PRDM16: variants seen among roughly 807,000 people sequenced by gnomAD.
The protein encoded by PRDM16 is PR/SET domain 16.
PRDM16 carries 23 observed loss-of-function variants against 110.6 expected under a neutral mutation model. The observed-to-expected ratio is 0.21, with a 90% CI of 0.15 to 0.29. PRDM16 has a LOEUF of 0.29. Among genes scored for constraint, PRDM16 ranks in the 10% least tolerant of loss-of-function variants. The pLI is 1.00. For synonymous variants in PRDM16, 799 were observed against 781.8 expected (o/e 1.02, Z -0.37); for missense variants, 1,615 against 1,794.3 (o/e 0.90, Z 1.81).
chr1:3,158,916 C>T (rs1462265762), intron 1 of PRDM16, among the ~76,000 whole-genome samples: 3 of 152,012 alleles, frequency 2.0e-5, no homozygotes, highest in African/African-American at 7.2e-5. Flanking sequence ...CTGGAAGGCG[C>T]CTGCCACCAC....
At chr1:3,220,471 G>T (rs1407643063) in intron 2 of PRDM16, among the ~76,000 whole-genome samples, 3 of 152,250 alleles carry the variant, frequency 2.0e-5, no homozygotes, top group Non-Finnish European at 4.4e-5. Context: ...GCAACATTGG[G>T]TCGGCAGGGC....
intron 3 of PRDM16, among the ~76,000 whole-genome samples, chr1:3,287,267 GCGCCCCGCCACGCGGGCA>G (rs1640868287): frequency 1.1e-5 from 1 of 92,700 alleles, no homozygotes; most frequent in Non-Finnish European, 2.2e-5. Flanking sequence ...GGGGCTGGAG[GCGCCCCGCCACGCGGGCA>G]TCCAGGATTG....
intron 2 of PRDM16, among the ~76,000 whole-genome samples, chr1:3,200,202 C>T (rs1638584127): frequency 7.1e-6 from 1 of 141,048 alleles, no homozygotes; most frequent in Admixed American, 7.0e-5. Context: ...AGTCAAGGGC[C>T]TGGGGAGAGG....
At chr1:3,169,690 C>A (rs1379642853) in intron 1 of PRDM16, among the ~76,000 whole-genome samples, 1 of 152,264 alleles carries the variant, frequency 6.6e-6, no homozygotes, top group Admixed American at 6.5e-5. Flanking sequence ...CCCCAACACC[C>A]GCAAGGGCCT....
At chr1:3,198,631 C>T (rs1437993390) in intron 2 of PRDM16, among the ~76,000 whole-genome samples, 3 of 152,198 alleles carry the variant, frequency 2.0e-5, no homozygotes, top group Non-Finnish European at 4.4e-5. Context: ...AAGAACGGCA[C>T]CAGCCTCCAG....
At chr1:3,413,602 C>T (rs1391977156) in intron 9 of PRDM16, among the ~76,000 whole-genome samples, 1 of 152,144 alleles carries the variant, frequency 6.6e-6, no homozygotes, top group Non-Finnish European at 1.5e-5. Context: ...GGCAGGAGAC[C>T]CTGAGCAAGT....
At chr1:3,101,133 C>G (rs990703911) in intron 1 of PRDM16, among the ~76,000 whole-genome samples, 2 of 152,118 alleles carry the variant, frequency 1.3e-5, no homozygotes, top group Non-Finnish European at 2.9e-5. Context: ...CTCGCTGTGC[C>G]CCTTCGGTCT....
rs1641990490 is a variant in PRDM16, at chr1:3,080,170, A to G, written c.37+10874A>G. 6.6e-6 allele frequency among the ~76,000 whole-genome samples: 1 copy of G among 152,228 alleles called. No individual in the cohort carries two copies. The highest frequency in any genetic ancestry group is 2.4e-5 in the African/African-American group (1 of 41,460). ...GGCCCTGGTGCTTGCATTTAGAAAA[A>G]TTAGGCCCTCTTGAAAAATTACAGA... On this transcript the variant is annotated intron_variant, in intron 1 of 16. Transcript: ENST00000270722. This position sits in a 1 kb window ranked among gnomAD's most constrained non-coding sequence, Gnocchi z 5.2.
chr1:3,418,590 T>G (rs2100677500), intron 11 of PRDM16, 77 bp from the exon 12 acceptor site: 1 of 1,018,646 alleles, frequency 9.8e-7, no homozygotes, highest in South Asian at 1.3e-5. Flanking sequence ...GAGCATTAGC[T>G]TGAAACCATT....
intron 4 of PRDM16, among the ~76,000 whole-genome samples, chr1:3,391,116 G>A (rs112133421): frequency 1.3e-5 from 2 of 152,160 alleles, no homozygotes; most frequent in South Asian, 2.1e-4. Context: ...GATGACAGGC[G>A]TGAGCCACCG....
chr1:3,144,438 A>G (rs1347754546), intron 1 of PRDM16, among the ~76,000 whole-genome samples: 1 of 151,168 alleles, frequency 6.6e-6, no homozygotes, highest in African/African-American at 2.4e-5. Flanking sequence ...GGTCAGGGTC[A>G]TTCCCACTCG....
chr1:3,337,023 G>A (rs1313415267), intron 3 of PRDM16, among the ~76,000 whole-genome samples: 2 of 151,982 alleles, frequency 1.3e-5, no homozygotes, highest in Non-Finnish European at 2.9e-5. Flanking sequence ...GTGTGTTGGA[G>A]TGAGTCTGTG....
chr1:3,098,579 C>T (rs1642460736), intron 1 of PRDM16, among the ~76,000 whole-genome samples: 1 of 152,190 alleles, frequency 6.6e-6, no homozygotes, highest in Non-Finnish European at 1.5e-5. Flanking sequence ...GGCTTCGAGA[C>T]CCCAGGCAAA....
At chr1:3,298,939 G>T (rs545510923) in intron 3 of PRDM16, among the ~76,000 whole-genome samples, 50 of 152,324 alleles carry the variant, frequency 3.3e-4, no homozygotes, top group African/African-American at 1.1e-3. Flanking sequence ...TTCAGGCTGG[G>T]TCTCCTCCCG....
At position 3,246,818 on chromosome 1, in the gene PRDM16, G is replaced by A. The variant is rs974489088; in HGVS notation, c.438+2681G>A. 1.3e-5 allele frequency among the ~76,000 whole-genome samples: 2 copies of A among 152,156 alleles called. No individual in the cohort carries two copies. The highest frequency in any genetic ancestry group is 2.9e-5 in the Non-Finnish European group (2 of 68,038). On this transcript the variant is annotated intron_variant, in intron 3 of 16. Coordinates refer to ENST00000270722, the MANE Select transcript of PRDM16 (RefSeq NM_022114.4). The surrounding 1 kb of genome is among the most constrained non-coding windows in gnomAD (Gnocchi z 5.2). The stretch of plus-strand genomic sequence containing the variant: ...TAGGCACTCTCGGGGAGCCGGGGGG[G>A]TTGGGGCTGAGAGACTGAGAGACAT...
At chr1:3,090,434 C>G (rs376423822) in intron 1 of PRDM16, among the ~76,000 whole-genome samples, 66 of 152,386 alleles carry the variant, frequency 4.3e-4, no homozygotes, top group African/African-American at 1.5e-3. Flanking sequence ...TGGAACTCCT[C>G]TGAGCCTGCG....
chr1:3,070,706 G>A (rs911199022), intron 1 of PRDM16, among the ~76,000 whole-genome samples: 12 of 152,082 alleles, frequency 7.9e-5, no homozygotes, highest in Admixed American at 3.9e-4. Flanking sequence ...ACTCGCGGCG[G>A]TTTTCCGAAG....
At chr1:3,288,517 T>C (rs956700308) in intron 3 of PRDM16, among the ~76,000 whole-genome samples, 1 of 152,104 alleles carries the variant, frequency 6.6e-6, no homozygotes, top group African/African-American at 2.4e-5. Flanking sequence ...CCTGAGCCTG[T>C]GGCCAGGAGT....
Position 3,217,405 on chromosome 1 carries a change from C to T in PRDM16, c.388-26682C>T, listed in dbSNP as rs1639054211. Among the ~76,000 whole-genome samples, 5 of 152,198 alleles carry T rather than the reference C, an allele frequency of 3.3e-5. No homozygotes were observed. In the South Asian group the frequency reaches 1.0e-3, roughly 32 times the overall value. ...CGGCTTATTTGGTCTGGAATGGGAG[C>T]AGGGATCTCATGGGAACAGCCCTCC... On this transcript the variant is annotated intron_variant, in intron 2 of 16. Transcript: ENST00000270722.
Sources: allele counts gnomAD v4.1 joint callset (sites outside exome capture counted in the v4.1 genomes callset), GRCh38; gene constraint gnomAD v4.1.1; non-coding constraint Gnocchi (gnomAD v3.1); transcripts MANE v1.5; gene names NCBI Gene and HGNC (gene_info 2026-07-23, HGNC 2026-07-21).